AP3B1: variants seen among roughly 807,000 people sequenced by gnomAD.
AP3B1 encodes AP-3 complex subunit beta-1.
AP3B1 carries 61 observed loss-of-function variants against 132.5 expected under a neutral mutation model. That is an observed-to-expected ratio of 0.46 (90% CI 0.37 to 0.57). The LOEUF (loss-of-function observed/expected upper bound fraction) is 0.57. Ranked by LOEUF, AP3B1 falls within the 20% of genes least tolerant of loss-of-function variation. The pLI is 0.00. For synonymous variants in AP3B1, 388 were observed against 438.3 expected (o/e 0.89, Z 1.43); for missense variants, 1,120 against 1,289.4 (o/e 0.87, Z 2.01).
chr5:78,141,327 G>C lies in AP3B1; in HGVS notation c.1474-8C>G. 1 of 1,610,518 alleles carries C rather than the reference G, an allele frequency of 6.2e-7. No homozygotes were observed. Among genetic ancestry groups the C allele is most frequent in the Non-Finnish European group, 8.5e-7 (1 of 1,177,282 alleles). On this transcript the variant is annotated splice_region_variant and splice_polypyrimidine_tract_variant and intron_variant, in intron 14 of 26. Transcript: ENST00000255194. ...TGCTCTAGCAACAGGAACCTAATAT[G>C]AGAAGCAGATTACATAGTTAGAAGT...
chr5:78,157,182 C>T (rs1743184799), intron 13 of AP3B1, among the ~76,000 whole-genome samples: 1 of 152,152 alleles, frequency 6.6e-6, no homozygotes, highest in Non-Finnish European at 1.5e-5. Flanking sequence ...CTGCAAGTGG[C>T]TCACTCCTGC....
intron 13 of AP3B1, among the ~76,000 whole-genome samples, chr5:78,160,846 T>C (rs1384468098): frequency 1.3e-5 from 2 of 152,056 alleles, no homozygotes; most frequent in African/African-American, 4.8e-5. Flanking sequence ...TTATTTGTTT[T>C]ACCTCTCACT....
chr5:78,154,043 T>C (rs1288031943), intron 14 of AP3B1, among the ~76,000 whole-genome samples: 3 of 152,204 alleles, frequency 2.0e-5, no homozygotes, highest in African/African-American at 4.8e-5. Context: ...CCAGTGAATT[T>C]TGTGCCTTTG....
chr5:78,287,581 G>C (rs1023845868), intron 1 of AP3B1, among the ~76,000 whole-genome samples: 5 of 151,954 alleles, frequency 3.3e-5, no homozygotes, highest in African/African-American at 9.7e-5. Flanking sequence ...TAAAACTTAC[G>C]ATCTTATTTT....
intron 26 of AP3B1, among the ~76,000 whole-genome samples, chr5:78,012,361 T>A (rs1746657786): frequency 6.6e-6 from 1 of 152,082 alleles, no homozygotes; most frequent in Non-Finnish European, 1.5e-5. Context: ...GTACGTTTTA[T>A]TAACAATTGT....
intron 2 of AP3B1, among the ~76,000 whole-genome samples, chr5:78,253,040 T>C (rs1010008393): frequency 1.3e-5 from 2 of 152,252 alleles, no homozygotes; most frequent in African/African-American, 4.8e-5. Flanking sequence ...AGAGAGACTC[T>C]GTATGTTTGG....
rs144070086 is a variant in AP3B1 at position 78,022,752 on chromosome 5, T to C, written c.2895-1963A>G. Among the ~76,000 whole-genome samples, 278 of 152,254 alleles carry C rather than the reference T, an allele frequency of 1.8e-3. 1 individual carries two copies. Among genetic ancestry groups the C allele is most frequent in the African/African-American group, 6.4e-3 (266 of 41,546 alleles). ...TATGTAAGGTGGAGTAAGGGAGAAA[T>C]CAAAGGCAGATACATCAGTTAGGAG... On this transcript the variant is annotated intron_variant, in intron 24 of 26. Transcript: ENST00000255194.
chr5:78,223,606 T>C (rs1198095910), intron 6 of AP3B1, among the ~76,000 whole-genome samples: 1 of 152,260 alleles, frequency 6.6e-6, no homozygotes, highest in Non-Finnish European at 1.5e-5. Context: ...ACAGATATTG[T>C]ATCTTTACAT....
chr5:78,046,560 G>A lies in AP3B1; in HGVS notation c.2578-7286C>T, dbSNP rs576265446. Among the ~76,000 whole-genome samples the A allele has an allele frequency of 9.9e-5, 15 of 152,266 alleles. No individual in the cohort carries two copies. In the South Asian group the frequency reaches 3.1e-3, roughly 32 times the overall value. ...TTCAAAGATGTTTCCACAGCAAACA[G>A]CCTTTGGAAGACAGAGGTAATGCCT... is the stretch of plus-strand genomic sequence containing the variant. On this transcript the variant is annotated intron_variant, in intron 22 of 26. Coordinates refer to ENST00000255194, the MANE Select transcript of AP3B1 (RefSeq NM_003664.5).
intron 13 of AP3B1, among the ~76,000 whole-genome samples, chr5:78,157,230 C>T (rs1287771319): frequency 1.3e-5 from 2 of 151,996 alleles, no homozygotes; most frequent in African/African-American, 4.8e-5. Context: ...ACACCCCTTC[C>T]CTTCAATCTG....
chr5:78,084,521 C>CAAAAAAAAAA (rs568637894), intron 22 of AP3B1, among the ~76,000 whole-genome samples: 104 of 43,688 alleles, frequency 2.4e-3, no homozygotes, highest in African/African-American at 2.7e-3. Context: ...CAGACCCTGT[C>CAAAAAAAAAA]AAAAAAAAAA....
At chr5:78,165,807 G>A (rs1260891677) in intron 11 of AP3B1, 135 bp from the exon 12 acceptor site, 11 of 727,562 alleles carry the variant, frequency 1.5e-5, no homozygotes, top group South Asian at 9.4e-5. Flanking sequence ...AGTGGCTCAT[G>A]CCTGTAATCC....
At chr5:78,086,778 C>T (rs536910755) in intron 22 of AP3B1, among the ~76,000 whole-genome samples, 14 of 152,090 alleles carry the variant, frequency 9.2e-5, no homozygotes, top group Admixed American at 2.6e-4. Flanking sequence ...TCATTAGACA[C>T]GTTAAACACG....
chr5:78,112,091 T>C (rs933338287), intron 19 of AP3B1, among the ~76,000 whole-genome samples: 1 of 152,102 alleles, frequency 6.6e-6, no homozygotes. Context: ...TAAAGCTTAT[T>C]AGGAGCTTTA....
chr5:78,176,961 C>T (rs1744170756), intron 9 of AP3B1, among the ~76,000 whole-genome samples: 1 of 152,146 alleles, frequency 6.6e-6, no homozygotes. Flanking sequence ...TGTATTAATA[C>T]ATTGAGTAAG....
At chr5:78,150,184 T>C (rs1202632754) in intron 14 of AP3B1, among the ~76,000 whole-genome samples, 1 of 152,042 alleles carries the variant, frequency 6.6e-6, no homozygotes, top group Non-Finnish European at 1.5e-5. Context: ...TTATAGAACA[T>C]CACTTGGCAA....
chr5:78,227,330 T>C (rs113150510), intron 5 of AP3B1, 42 bp downstream of exon 5: 1 of 1,590,270 alleles, frequency 6.3e-7, no homozygotes, highest in Non-Finnish European at 8.6e-7. Context: ...ACATTCCATG[T>C]AACATCAGAG....
At chr5:78,286,703 A>T (rs1231007380) in intron 1 of AP3B1, among the ~76,000 whole-genome samples, 4 of 152,160 alleles carry the variant, frequency 2.6e-5, no homozygotes, top group African/African-American at 9.7e-5. Context: ...TACCATGCCA[A>T]CTCACTCAGC....
chr5:78,228,066 C>T (rs146421906), intron 4 of AP3B1, 78 bp downstream of exon 4: 9 of 953,140 alleles, frequency 9.4e-6, no homozygotes, highest in African/African-American at 6.7e-5. Flanking sequence ...AGTGGATTAT[C>T]GCTCCACTTC....
Sources: gnomAD v4.1 joint callset for allele counts (sites outside exome capture counted in the v4.1 genomes callset) on GRCh38, gnomAD v4.1.1 for gene constraint, MANE v1.5 for transcripts, NCBI Gene and HGNC (gene_info 2026-07-23, HGNC 2026-07-21) for gene names.